Variants in AKAP19 observed in about 807,000 individuals in gnomAD.
The protein encoded by AKAP19 is A-kinase anchoring protein 19.
the AKAP19 span, among the ~76,000 whole-genome samples, chr2:189,953,376 C>A: frequency 6.6e-6 from 1 of 152,090 alleles, no homozygotes; most frequent in African/African-American, 2.4e-5. Context: ...TGGCTCACAC[C>A]TGTAATCCCA....
the AKAP19 span, among the ~76,000 whole-genome samples, chr2:190,066,324 C>T: frequency 1.3e-5 from 2 of 152,166 alleles, no homozygotes; most frequent in Admixed American, 6.5e-5. Context: ...AAAAAAATTA[C>T]GGTTTTATTT....
the AKAP19 span, among the ~76,000 whole-genome samples, chr2:190,144,186 G>A: frequency 1.5e-4 from 22 of 145,376 alleles, no homozygotes; most frequent in Non-Finnish European, 2.1e-4. Flanking sequence ...GAAAAGAAAA[G>A]AAAAAAAATA....
At chr2:190,038,670 GAA>G in the AKAP19 span, among the ~76,000 whole-genome samples, 1 of 151,822 alleles carries the variant, frequency 6.6e-6, no homozygotes, top group East Asian at 1.9e-4. Flanking sequence ...TCCAACCCAG[GAA>G]AAAAAATTGA....
chr2:190,029,679 G>C, the AKAP19 span, among the ~76,000 whole-genome samples: 1 of 152,162 alleles, frequency 6.6e-6, no homozygotes, highest in South Asian at 2.1e-4. Context: ...TCCTATTGTA[G>C]TGCAAAAGTA....
the AKAP19 span, among the ~76,000 whole-genome samples, chr2:190,001,912 G>A: frequency 1.3e-5 from 2 of 152,222 alleles, no homozygotes; most frequent in East Asian, 1.9e-4. Context: ...GACACGTAGA[G>A]TCAAGCCATT....
the AKAP19 span, among the ~76,000 whole-genome samples, chr2:190,008,571 A>G: frequency 6.6e-6 from 1 of 152,194 alleles, no homozygotes; most frequent in Non-Finnish European, 1.5e-5. Flanking sequence ...TTAGAGCTTT[A>G]TGATCATGAG....
At chr2:189,921,114 C>T in the AKAP19 span, among the ~76,000 whole-genome samples, 5 of 152,088 alleles carry the variant, frequency 3.3e-5, no homozygotes, top group African/African-American at 1.2e-4. Context: ...AGCATATGGT[C>T]AATTTGCCGT....
chr2:190,153,107 G>A, the AKAP19 span, among the ~76,000 whole-genome samples: 1 of 152,124 alleles, frequency 6.6e-6, no homozygotes, highest in Non-Finnish European at 1.5e-5. Flanking sequence ...GTGTTAGCTA[G>A]GATGGTCTCG....
the AKAP19 span, among the ~76,000 whole-genome samples, chr2:190,013,667 C>A: frequency 6.6e-6 from 1 of 152,054 alleles, no homozygotes; most frequent in Admixed American, 6.6e-5. Context: ...AGGTGCCTGC[C>A]ACCATGCCTG....
At chr2:189,991,923 A>C in the AKAP19 span, among the ~76,000 whole-genome samples, 1 of 152,088 alleles carries the variant, frequency 6.6e-6, no homozygotes, top group East Asian at 1.9e-4. Context: ...GTAGCTTGCC[A>C]ATTATCCCAG....
At chr2:189,998,771 CTTTT>C in the AKAP19 span, among the ~76,000 whole-genome samples, 15,481 of 97,648 alleles carry the variant, frequency 0.16, 334 homozygotes, top group Middle Eastern at 0.24. Flanking sequence ...TTCTTTCTTT[CTTTT>C]TTTTTTTTTT....
the AKAP19 span, among the ~76,000 whole-genome samples, chr2:189,955,822 G>T: frequency 2.6e-5 from 4 of 152,110 alleles, no homozygotes; most frequent in Non-Finnish European, 4.4e-5. Context: ...AAAAAGATTT[G>T]TATTTTTGCT....
the AKAP19 span, among the ~76,000 whole-genome samples, chr2:189,988,742 A>G: frequency 3.9e-5 from 6 of 152,238 alleles, no homozygotes; most frequent in Admixed American, 6.5e-5. Flanking sequence ...TCCGAAGTAT[A>G]TAATCTATTT....
At chr2:190,178,537 G>A in the AKAP19 span, among the ~76,000 whole-genome samples, 5 of 152,214 alleles carry the variant, frequency 3.3e-5, no homozygotes, top group African/African-American at 7.2e-5. The surrounding 1 kb of genome is among the most constrained non-coding windows in gnomAD (Gnocchi z 6.3). Flanking sequence ...CAGAGGCCAC[G>A]GGCTAGGTCC....
the AKAP19 span, among the ~76,000 whole-genome samples, chr2:190,171,202 T>C: frequency 4.0e-5 from 6 of 150,810 alleles, no homozygotes; most frequent in African/African-American, 1.5e-4. Flanking sequence ...CAATTCTTTA[T>C]TACAAAATGC....
chr2:190,038,276 C>T, the AKAP19 span, among the ~76,000 whole-genome samples: 11 of 152,126 alleles, frequency 7.2e-5, no homozygotes, highest in Admixed American at 1.3e-4. Flanking sequence ...TCATCCACAT[C>T]TAAACTTAGC....
the AKAP19 span, among the ~76,000 whole-genome samples, chr2:189,991,958 T>C: frequency 3.3e-5 from 5 of 152,162 alleles, no homozygotes; most frequent in Non-Finnish European, 7.3e-5. Flanking sequence ...TAGGGTGTCC[T>C]TTGCCCAGTT....
At chr2:190,055,671 A>G in the AKAP19 span, 1 of 152,158 alleles carries the variant, frequency 6.6e-6, no homozygotes, top group Non-Finnish European at 1.5e-5. Flanking sequence ...TCAGAAATCC[A>G]GAATTAATCA....
At chr2:190,164,371 T>C in the AKAP19 span, among the ~76,000 whole-genome samples, 1 of 151,980 alleles carries the variant, frequency 6.6e-6, no homozygotes, top group Non-Finnish European at 1.5e-5. Context: ...CCTGTCTCTA[T>C]TAAAAATACA....
Sources: gnomAD v4.1 joint callset for allele counts (sites outside exome capture counted in the v4.1 genomes callset) on GRCh38, gnomAD v4.1.1 for gene constraint, Gnocchi (gnomAD v3.1) non-coding constraint, MANE v1.5 for transcripts, NCBI Gene and HGNC (gene_info 2026-07-23, HGNC 2026-07-21) for gene names.